Variants in PDE4D observed in about 807,000 individuals in gnomAD.
The protein encoded by PDE4D is phosphodiesterase 4D, also known as 3',5'-cyclic-AMP phosphodiesterase 4D.
Under a neutral mutation model 87.4 loss-of-function variants are expected in PDE4D, and 24 were observed. That is an observed-to-expected ratio of 0.27 (90% CI 0.20 to 0.39). The LOEUF is 0.39. PDE4D is among the 10% of genes least tolerant of loss of function. PDE4D has a pLI of 1.00. For synonymous variants in PDE4D, 384 were observed against 383.2 expected, an observed-to-expected ratio of 1.00 and a Z score of -0.02; for missense variants, 714 against 1,041.0, an observed-to-expected ratio of 0.69 and a Z score of 4.32.
At chr5:59,962,974 A>T (rs1337385515) in intron 3 of PDE4D, among the ~76,000 whole-genome samples, 1 of 152,200 alleles carries the variant, frequency 6.6e-6, no homozygotes, top group Non-Finnish European at 1.5e-5. Context: ...ACAGAAATGC[A>T]CCAGCTCTGT....
At chr5:59,598,269 G>A (rs946525905) in intron 1 of PDE4D, among the ~76,000 whole-genome samples, 3 of 152,112 alleles carry the variant, frequency 2.0e-5, no homozygotes, top group African/African-American at 7.2e-5. Flanking sequence ...TGATCAAATA[G>A]TAAATTCATT....
chr5:59,803,519 G>A (rs977456004), intron 1 of PDE4D, among the ~76,000 whole-genome samples: 4 of 151,914 alleles, frequency 2.6e-5, no homozygotes, highest in Non-Finnish European at 5.9e-5. Context: ...GGCTGGTCTC[G>A]AATTCCTGAC....
chr5:60,024,739 T>A (rs1000553141), intron 2 of PDE4D, among the ~76,000 whole-genome samples: 10 of 152,140 alleles, frequency 6.6e-5, no homozygotes, highest in African/African-American at 2.2e-4. Flanking sequence ...AAAATGAGCC[T>A]TATTTAGCTG....
chr5:60,467,165 G>A (rs974030049), intron 1 of PDE4D, among the ~76,000 whole-genome samples: 3 of 151,634 alleles, frequency 2.0e-5, no homozygotes, highest in Non-Finnish European at 2.9e-5. Context: ...TCAGCCTCCC[G>A]AGTAGTTGTG....
At chr5:59,458,770 CAT>C (rs1454997623) in intron 1 of PDE4D, among the ~76,000 whole-genome samples, 1 of 152,186 alleles carries the variant, frequency 6.6e-6, no homozygotes, top group Non-Finnish European at 1.5e-5. Flanking sequence ...GCTTAACTGA[CAT>C]AGTTCTGTCA....
In PDE4D at chr5:59,094,851, T is replaced by C. The variant is rs1409941295; in HGVS notation, c.809-55880A>G. ...TAGCTTTTATCCCCAACTTGGATAC[T>C]AAATATAGAGACAGGCAAGAATTAG... On this transcript the variant is annotated intron_variant, in intron 5 of 14. Coordinates refer to ENST00000340635, the MANE Select transcript of PDE4D (RefSeq NM_001104631.2). 4.6e-5 allele frequency among the ~76,000 whole-genome samples: 7 copies of C among 152,132 alleles called. No individual in the cohort carries two copies. The South Asian group carries it at 1.4e-3, about 32-fold the overall frequency.
At chr5:59,133,019 A>G (rs1776500124) in intron 5 of PDE4D, among the ~76,000 whole-genome samples, 1 of 152,108 alleles carries the variant, frequency 6.6e-6, no homozygotes, top group African/African-American at 2.4e-5. Flanking sequence ...CTGCTTGTCC[A>G]TTTCTGTTTT....
At chr5:59,531,394 C>T (rs1814195432) in intron 1 of PDE4D, among the ~76,000 whole-genome samples, 1 of 152,202 alleles carries the variant, frequency 6.6e-6, no homozygotes, top group African/African-American at 2.4e-5. Context: ...TTATCACTAT[C>T]CAACATATAT....
intron 2 of PDE4D, among the ~76,000 whole-genome samples, chr5:59,999,328 G>C (rs780874311): frequency 1.2e-4 from 18 of 152,032 alleles, no homozygotes; most frequent in Non-Finnish European, 1.8e-4. Flanking sequence ...AGCACTAATG[G>C]AATCTACATA....
intron 2 of PDE4D, among the ~76,000 whole-genome samples, chr5:59,994,531 T>A (rs1167829790): frequency 2.0e-5 from 3 of 152,084 alleles, no homozygotes; most frequent in African/African-American, 7.2e-5. Context: ...GATTATAAGT[T>A]AAGGAAATGT....
At chr5:60,416,818 T>C (rs1262432907) in intron 1 of PDE4D, among the ~76,000 whole-genome samples, 2 of 152,230 alleles carry the variant, frequency 1.3e-5, no homozygotes, top group Admixed American at 1.3e-4. Flanking sequence ...AGCTTGGGAA[T>C]CTGAATAACT....
chr5:60,029,148 G>A (rs1766957396), intron 2 of PDE4D, among the ~76,000 whole-genome samples: 1 of 152,168 alleles, frequency 6.6e-6, no homozygotes, highest in African/African-American at 2.4e-5. Context: ...TGCATAGATT[G>A]CATAGCAGTG....
intron 3 of PDE4D, among the ~76,000 whole-genome samples, chr5:59,922,137 A>G (rs903103201): frequency 6.6e-6 from 1 of 152,152 alleles, no homozygotes; most frequent in African/African-American, 2.4e-5. Flanking sequence ...AGCTAGCGCC[A>G]GTGGAGGGAG....
chr5:59,391,239 G>T (rs1263380837), intron 1 of PDE4D, among the ~76,000 whole-genome samples: 1 of 152,142 alleles, frequency 6.6e-6, no homozygotes, highest in East Asian at 1.9e-4. Flanking sequence ...AGTGTGAAGA[G>T]GGAGTCAGAA....
At chr5:60,147,957 C>T (rs1317016097) in intron 2 of PDE4D, 1 of 302,678 alleles carries the variant, frequency 3.3e-6, no homozygotes, top group South Asian at 2.6e-5. Context: ...CATCATAACT[C>T]CTCCTGAATT....
chr5:59,696,462 TG>T (rs1751796939), intron 1 of PDE4D, among the ~76,000 whole-genome samples: 1 of 152,002 alleles, frequency 6.6e-6, no homozygotes, highest in Admixed American at 6.6e-5. Context: ...TTATACAGCA[TG>T]AAAAAAAGTG....
intron 1 of PDE4D, among the ~76,000 whole-genome samples, chr5:59,820,549 C>T (rs1769517937): frequency 6.6e-6 from 1 of 152,194 alleles, no homozygotes. Flanking sequence ...TCCTTTTACC[C>T]ACATTCAGAT....
At chr5:59,586,396 T>C (rs371846035) in intron 1 of PDE4D, 17 of 1,609,552 alleles carry the variant, frequency 1.1e-5, no homozygotes, top group Non-Finnish European at 1.4e-5. Flanking sequence ...CTTCTGTCAT[T>C]AATATTTTTC....
chr5:60,415,172 G>A (rs1420677225), intron 1 of PDE4D, among the ~76,000 whole-genome samples: 1 of 152,248 alleles, frequency 6.6e-6, no homozygotes, highest in Non-Finnish European at 1.5e-5. Flanking sequence ...TAGACCCTCT[G>A]CATCTGATCA....
Sources: gnomAD v4.1 joint callset for allele counts (sites outside exome capture counted in the v4.1 genomes callset) on GRCh38, gnomAD v4.1.1 for gene constraint, MANE v1.5 for transcripts, NCBI Gene and HGNC (gene_info 2026-07-23, HGNC 2026-07-21) for gene names.